Variants in ERCC2 observed in about 807,000 individuals in gnomAD.
ERCC2 encodes ERCC excision repair 2, TFIIH core complex helicase subunit.
A neutral mutation model predicts 99.4 loss-of-function variants in ERCC2; 90 were observed. The observed-to-expected ratio is 0.91, with a 90% CI of 0.76 to 1.08. The LOEUF (loss-of-function observed/expected upper bound fraction) is 1.08. Ranked by LOEUF, ERCC2 falls within the 50% of genes least tolerant of loss-of-function variation. The pLI, the probability that ERCC2 is intolerant of heterozygous loss-of-function variation, is 0.00. For synonymous variants in ERCC2, 497 were observed against 432.4 expected, an observed-to-expected ratio of 1.15 and a Z score of -1.85; for missense variants, 993 against 1,038.1, an observed-to-expected ratio of 0.96 and a Z score of 0.60.
chr19:45,357,800 C>T (rs777348222), intron 12 of ERCC2, 101 bp from the exon 13 acceptor site: 14 of 1,046,150 alleles, frequency 1.3e-5, no homozygotes, highest in Non-Finnish European at 1.9e-5. Flanking sequence ...ACCCCAATCT[C>T]CACCCCGTAC....
chr19:45,363,629 G>GCTCA, intron 11 of ERCC2, 114 bp downstream of exon 11: 1 of 1,240,662 alleles, frequency 8.1e-7, no homozygotes, highest in Non-Finnish European at 1.1e-6. Context: ...GCCTCGCCCA[G>GCTCA]CTCACTCACT....
chr19:45,353,295 T>A lies in ERCC2; in HGVS notation c.1705A>T (p.Ile569Phe), dbSNP rs74792417. Residue 569 changes from isoleucine (I) to phenylalanine (F), a missense_variant, in exon 18 of 23, where the codon ATT becomes TTT. By Grantham distance (21) the Ile-to-Phe change is conservative (BLOSUM62 0). Transcript: ENST00000391945. ...GTTTCGGCACCATCCTGGGTCTCAA[T>A]AAAGAGCAGCTTGTTCCTCTGGATG... ...ENIQRNKLLFIETQDGAETSV... is the reference protein window; with the variant it reads ...ENIQRNKLLFFETQDGAETSV... 1.9e-6 allele frequency: 3 copies of A among 1,613,976 alleles called. No homozygotes were observed. In the African/African-American group the frequency reaches 4.0e-5, roughly 22 times the overall value.
chr19:45,357,707 G>A lies in ERCC2; in HGVS notation c.1238-8C>T, dbSNP rs1182729614. ...CGATGATGATGGTGAAGCCTGCAGAGGGCAGGCAAGGAGGGGTGAGATTAC... is the reference window on the plus strand; with the variant it reads ...CGATGATGATGGTGAAGCCTGCAGAAGGCAGGCAAGGAGGGGTGAGATTAC... On this transcript the variant is annotated splice_region_variant and splice_polypyrimidine_tract_variant and intron_variant, in intron 12 of 22. Transcript: ENST00000391945. 1 of 1,612,958 alleles carries A rather than the reference G, an allele frequency of 6.2e-7. No homozygotes were observed. The highest frequency in any genetic ancestry group is 8.5e-7 in the Non-Finnish European group (1 of 1,179,658).
rs1445129024 is a variant in ERCC2, at chr19:45,363,723, C to T, written c.1118+20G>A. 3 of 1,526,134 alleles carry T rather than the reference C, an allele frequency of 2.0e-6. No homozygotes were observed. The highest frequency in any genetic ancestry group is 2.4e-5 in the South Asian group (2 of 83,682). 94.5% of individuals were successfully genotyped at this position (1,526,134 alleles called of 1,614,324 possible). A position where few individuals can be genotyped will look rare whatever the true frequency, so the allele number is the denominator to read the frequency against. On this transcript the variant is annotated intron_variant, in intron 11 of 22. Transcript: ENST00000391945. ...CGGGACCTGCCGGGCCCCCACCCCG[C>T]GCGCTGTCTGGGGCCGCACCTGAGG... is the stretch of plus-strand genomic sequence containing the variant.
chr19:45,367,124 G>T (rs1340120910), intron 5 of ERCC2, among the ~76,000 whole-genome samples: 2 of 152,040 alleles, frequency 1.3e-5, no homozygotes, highest in Non-Finnish European at 2.9e-5. Flanking sequence ...GGATCACAAG[G>T]TCGGGAGTTA....
chr19:45,361,653 G>T lies in ERCC2; in HGVS notation c.1119-11C>A. ...CGTTCAGCACAGAATCTGGCGGGGA[G>T]GAGAGACGGGGTCGGGGGGCAGACG... On this transcript the variant is annotated splice_polypyrimidine_tract_variant and intron_variant, in intron 11 of 22. Transcript: ENST00000391945. 6.3e-7 allele frequency: 1 copy of T among 1,592,680 alleles called. No individual in the cohort carries two copies. The highest frequency in any genetic ancestry group is 1.3e-5 in the African/African-American group (1 of 74,524).
rs552331729 is a variant in ERCC2 at position 45,351,392 on chromosome 19, G to C, written c.*237C>G. The C allele has an allele frequency of 1.2e-6, 2 of 1,606,112 alleles. No homozygotes were observed. Among genetic ancestry groups the C allele is most frequent in the East Asian group, 2.2e-5 (1 of 44,890 alleles). ...AACTGCGCTGGCCGCAGCTTCTTGG[G>C]AACAGTGCAGGAGGGATGGGCTGGT... is the stretch of plus-strand genomic sequence containing the variant. On this transcript the variant is annotated 3_prime_UTR_variant, in exon 23 of 23. Coordinates refer to ENST00000391945, the MANE Select transcript of ERCC2 (RefSeq NM_000400.4).
chr19:45,358,371 C>T, intron 12 of ERCC2: 1 of 197,232 alleles, frequency 5.1e-6, no homozygotes, highest in South Asian at 9.4e-5. Context: ...GCTCTGCCTC[C>T]AAAACCTACC....
At position 45,349,898 on chromosome 19, in the gene ERCC2, C is replaced by A. The variant is rs1173214373; in HGVS notation, c.*1731G>T. 3 of 462,390 alleles carry A rather than the reference C, an allele frequency of 6.5e-6. No homozygotes were observed. Among genetic ancestry groups the A allele is most frequent in the African/African-American group, 3.9e-5 (2 of 50,720 alleles). The allele number at this position is 462,390 out of a possible 1,614,324, so 28.6% of individuals were successfully genotyped here. A position where few individuals can be genotyped will look rare whatever the true frequency, so the allele number is the denominator to read the frequency against. ...GGCTCCCCTCTTAGCCCGGTCCCCA[C>A]ATCGCTAGTTCTTATAGCGTCCCTA... On this transcript the variant is annotated 3_prime_UTR_variant, in exon 23 of 23. Coordinates refer to ENST00000391945, the MANE Select transcript of ERCC2 (RefSeq NM_000400.4).
At position 45,353,340 on chromosome 19, in the gene ERCC2, G is replaced by C; in HGVS notation, c.1666-6C>G. On this transcript the variant is annotated splice_polypyrimidine_tract_variant and splice_region_variant and intron_variant, in intron 17 of 22. Transcript: ENST00000391945. ...TGGATGTTCTCAAGGATCCCCTGGG[G>C]AAGGACCCAGGGAGGTCAGGGTGGG... 6.2e-7 allele frequency: 1 copy of C among 1,610,180 alleles called. No individual in the cohort carries two copies. The highest frequency in any genetic ancestry group is 8.5e-7 in the Non-Finnish European group (1 of 1,177,120).
intron 12 of ERCC2, among the ~76,000 whole-genome samples, chr19:45,359,939 T>C (rs1456475483): frequency 6.6e-6 from 1 of 151,962 alleles, no homozygotes; most frequent in Non-Finnish European, 1.5e-5. Context: ...CACGTCCAGC[T>C]AATTTTTGTA....
In ERCC2 at chr19:45,370,541, G is replaced by T; in HGVS notation, c.-1C>A. Reference sequence around the variant, plus strand: ...ACCCCCAGCCCCCTTCTCACTTCATGGCGCCGGCCGGACTGTGCAGCGGGG... The same window carrying T: ...ACCCCCAGCCCCCTTCTCACTTCATTGCGCCGGCCGGACTGTGCAGCGGGG... On this transcript the variant is annotated 5_prime_UTR_variant, in exon 1 of 23. Coordinates refer to ENST00000391945, the MANE Select transcript of ERCC2 (RefSeq NM_000400.4). 1 of 1,587,860 alleles carries T rather than the reference G, an allele frequency of 6.3e-7. No individual in the cohort carries two copies.
chr19:45,359,852 G>A (rs140571342), intron 12 of ERCC2, among the ~76,000 whole-genome samples: 173 of 151,244 alleles, frequency 1.1e-3, no homozygotes, highest in Middle Eastern at 6.8e-3. Flanking sequence ...TCGGCTCACT[G>A]CAACCTCCGC....
chr19:45,357,236 C>T, intron 15 of ERCC2, 34 bp downstream of exon 15: 5 of 1,532,180 alleles, frequency 3.3e-6, no homozygotes, highest in Non-Finnish European at 4.5e-6. Context: ...CCCCATCTCC[C>T]CTCCCGGCCC....
At chr19:45,355,271 C>A (rs140442071) in intron 16 of ERCC2, among the ~76,000 whole-genome samples, 2 of 152,200 alleles carry the variant, frequency 1.3e-5, no homozygotes, top group African/African-American at 4.8e-5. Flanking sequence ...GCATGAGAAT[C>A]GCTTGAACCC....
intron 5 of ERCC2, among the ~76,000 whole-genome samples, chr19:45,367,396 C>T (rs917728607): frequency 1.4e-5 from 2 of 146,594 alleles, no homozygotes; most frequent in Non-Finnish European, 3.1e-5. Flanking sequence ...CACACACACA[C>T]ACACATATAA....
At chr19:45,369,439 G>C (rs1972533193) in intron 2 of ERCC2, among the ~76,000 whole-genome samples, 1 of 152,040 alleles carries the variant, frequency 6.6e-6, no homozygotes, top group Non-Finnish European at 1.5e-5. Flanking sequence ...GGCTGAGGCA[G>C]GTGAACCACC....
chr19:45,369,646 T>C (rs955921661), intron 2 of ERCC2, among the ~76,000 whole-genome samples: 1 of 152,190 alleles, frequency 6.6e-6, no homozygotes, highest in Non-Finnish European at 1.5e-5. Flanking sequence ...GCAGGTTAAA[T>C]ATTTGGCACA....
chr19:45,364,691 A>C (rs1227994342), intron 7 of ERCC2, 144 bp from the exon 8 acceptor site: 1 of 1,354,192 alleles, frequency 7.4e-7, no homozygotes, highest in African/African-American at 1.4e-5. Context: ...GGATAGAGAC[A>C]GACCAACAGA....
Sources: gnomAD v4.1 joint callset for allele counts (sites outside exome capture counted in the v4.1 genomes callset) on GRCh38, gnomAD v4.1.1 for gene constraint, MANE v1.5 for transcripts, NCBI Gene and HGNC (gene_info 2026-07-23, HGNC 2026-07-21) for gene names.